The following MANSC1 variants were observed in gnomAD, a reference collection of about 807,000 sequenced individuals.
MANSC1 encodes MANSC domain containing 1, also known as MANSC domain-containing protein 1.
MANSC1 carries 13 observed loss-of-function variants against 14.1 expected under a neutral mutation model. The ratio of observed to expected loss-of-function variants is 0.92; its 90% CI spans 0.60 to 1.46. The LOEUF is 1.46. Among genes scored for constraint, MANSC1 ranks in the 40% most tolerant of loss-of-function variants. The pLI is 0.00. For synonymous variants in MANSC1, 227 were observed against 200.7 expected (o/e 1.13, Z -1.11); for missense variants, 486 against 511.4 (o/e 0.95, Z 0.48).
intron 2 of MANSC1, 101 bp from the exon 3 acceptor site, chr12:12,338,661 C>A: frequency 1.9e-6 from 2 of 1,075,622 alleles, no homozygotes; most frequent in South Asian, 1.5e-5. Context: ...AACACAAACA[C>A]CTTTGTTCAT....
chr12:12,330,205 G>A lies in MANSC1; in HGVS notation c.1118C>T (p.Pro373Leu), dbSNP rs1355595608. 7 of 1,614,168 alleles carry A rather than the reference G, an allele frequency of 4.3e-6. No individual in the cohort carries two copies. The East Asian group carries it at 1.6e-4, about 36-fold the overall frequency. The change falls in exon 4 of 4, where the codon CCA (proline) becomes CTA (leucine). Residue 373 changes from proline to leucine, a missense_variant. By Grantham distance (98) the Pro-to-Leu change is moderately conservative. Transcript: ENST00000535902. ...AAATGGAAGGCCGTACTGATTTTCT[G>A]GAACACTGCCCTGGGAGGAACTGCC... ...SPGSSSQGSV[P>L]ENQYGLPFEK...
intron 2 of MANSC1, 56 bp from the exon 3 acceptor site, chr12:12,338,616 G>A (rs1246088830): frequency 6.4e-7 from 1 of 1,563,530 alleles, no homozygotes; most frequent in African/African-American, 1.4e-5. Context: ...TAAAGAGTAG[G>A]GCAAGTAGGA....
At position 12,338,527 on chromosome 12, in the gene MANSC1, G is replaced by A; in HGVS notation, c.257C>T (p.Thr86Ile). 1 of 1,613,628 alleles carries A rather than the reference G, an allele frequency of 6.2e-7. No homozygotes were observed. Among genetic ancestry groups the A allele is most frequent in the South Asian group, 1.1e-5 (1 of 90,978 alleles). The part of the protein sequence containing the change: ...DKACNLMIFD[T>I]RKTARQPNCY... ...GTTGGGTTGTCTAGCTGTTTTTCGA[G>A]TGTCGAAGATCATCAAGTTACATGC... Residue 86 changes from threonine to isoleucine, a missense_variant, in exon 3 of 4, where the codon ACT becomes ATT. Coordinates refer to ENST00000535902, the MANE Select transcript of MANSC1 (RefSeq NM_018050.4).
chr12:12,342,962 C>G (rs543835475), intron 2 of MANSC1, 130 bp downstream of exon 2: 1 of 668,402 alleles, frequency 1.5e-6, no homozygotes, highest in Non-Finnish European at 2.6e-6. Flanking sequence ...GTAGAAAATT[C>G]TCCAGTGATT....
chr12:12,349,260 G>A (rs1447687905), intron 1 of MANSC1, among the ~76,000 whole-genome samples: 3 of 152,194 alleles, frequency 2.0e-5, no homozygotes, highest in East Asian at 3.9e-4. Flanking sequence ...TACTTAATAC[G>A]CTGCCATATT....
chr12:12,345,337 G>T (rs1383208529), intron 1 of MANSC1, among the ~76,000 whole-genome samples: 1 of 137,542 alleles, frequency 7.3e-6, no homozygotes, highest in African/African-American at 2.7e-5. Context: ...AAAAAAAAAA[G>T]CTATTATTTT....
chr12:12,342,584 G>GTTTTTTTTT (rs760560592), intron 2 of MANSC1, among the ~76,000 whole-genome samples: 10 of 41,788 alleles, frequency 2.4e-4, no homozygotes, highest in African/African-American at 7.7e-4. Context: ...GTGTTTTTTT[G>GTTTTTTTTT]TTTTTTTTTT....
At position 12,329,370 on chromosome 12, in the gene MANSC1, A is replaced by G. The variant is rs997083902; in HGVS notation, c.*657T>C. 2.0e-5 allele frequency: 3 copies of G among 152,248 alleles called. No homozygotes were observed. Among genetic ancestry groups the G allele is most frequent in the Non-Finnish European group, 4.4e-5 (3 of 68,042 alleles). 9.4% of individuals were successfully genotyped at this position (152,248 alleles called of 1,614,324 possible). On this transcript the variant is annotated 3_prime_UTR_variant, in exon 4 of 4. Transcript: ENST00000535902. ...AAAAGCAAATCCATTAGAAATTGAT[A>G]TAAACAGTTGATTTTATCTGGAACC...
chr12:12,330,951 T>C lies in MANSC1; in HGVS notation c.372A>G (p.Pro124=), dbSNP rs1327394537. The C allele has an allele frequency of 1.9e-6, 3 of 1,571,844 alleles. No individual in the cohort carries two copies. The highest frequency in any genetic ancestry group is 2.6e-6 in the Non-Finnish European group (3 of 1,160,574). The change falls in exon 4 of 4, where the codon CCA becomes CCG. Residue 124 remains proline, a synonymous_variant. Transcript: ENST00000535902. ...LMSYRIITDF[P]SLTRNLPSQE... is the part of the protein sequence containing the mutation. ...GGCTTGGCAAATTTCTGGTCAAAGA[T>C]GGAAAATCTGAAAATGTATGGAAAA... is the stretch of plus-strand genomic sequence containing the variant.
At position 12,334,603 on chromosome 12, in the gene MANSC1, A is replaced by G. The variant is rs181823879; in HGVS notation, c.365-3645T>C. Among the ~76,000 whole-genome samples, 16 of 152,286 alleles carry G rather than the reference A, an allele frequency of 1.1e-4. No homozygotes were observed. The East Asian group carries it at 2.9e-3, about 28-fold the overall frequency. On this transcript the variant is annotated intron_variant, in intron 3 of 3. Coordinates refer to ENST00000535902, the MANE Select transcript of MANSC1 (RefSeq NM_018050.4). ...CTGGTGGCTGCCACAAGAACAGTTTAATTCTAATTTCACTTCATTACCTTC... is the reference window on the plus strand; with the variant it reads ...CTGGTGGCTGCCACAAGAACAGTTTGATTCTAATTTCACTTCATTACCTTC...
intron 1 of MANSC1, among the ~76,000 whole-genome samples, chr12:12,347,663 T>C (rs11054832): frequency 0.082 from 12,451 of 152,274 alleles, 1,185 homozygotes; most frequent in East Asian, 0.34. Context: ...TAACATCATA[T>C]GTCATTAGGG....
intron 1 of MANSC1, among the ~76,000 whole-genome samples, chr12:12,346,097 C>A (rs766215459): frequency 6.6e-6 from 1 of 152,148 alleles, no homozygotes; most frequent in East Asian, 1.9e-4. Flanking sequence ...CACGGTGAAA[C>A]CCCGTCTCTA....
At chr12:12,346,991 T>C (rs889390902) in intron 1 of MANSC1, among the ~76,000 whole-genome samples, 4 of 151,970 alleles carry the variant, frequency 2.6e-5, no homozygotes, top group African/African-American at 7.3e-5. Flanking sequence ...GAGGAAATAT[T>C]TGTGAAACAC....
rs371927387 is a variant in MANSC1 at position 12,338,470 on chromosome 12, G to T, written c.314C>A (p.Ala105Asp). 8 of 1,612,884 alleles carry T rather than the reference G, an allele frequency of 5.0e-6. No individual in the cohort carries two copies. In the African/African-American group the frequency reaches 8.0e-5, roughly 16 times the overall value. ...TCCTTTTGCTGGTTTCAATGGACAGGCTTCCTCGTTGGGACAGAAAAATAG... is the reference window on the plus strand; with the variant it reads ...TCCTTTTGCTGGTTTCAATGGACAGTCTTCCTCGTTGGGACAGAAAAATAG... ...CYLFFCPNEE[A>D]CPLKPAKGLM... Residue 105 changes from alanine (A) to aspartate (D), a missense_variant, in exon 3 of 4, where the codon GCC becomes GAC. Physicochemically the swap from Ala to Asp is moderately radical, Grantham distance 126. Coordinates refer to ENST00000535902, the MANE Select transcript of MANSC1 (RefSeq NM_018050.4).
chr12:12,341,777 A>G (rs111253006), intron 2 of MANSC1, among the ~76,000 whole-genome samples: 16,440 of 152,238 alleles, frequency 0.11, 896 homozygotes, highest in Non-Finnish European at 0.12. Context: ...GATCATTTGA[A>G]GTCAGGAGTT....
At position 12,326,231 on chromosome 12, in the gene MANSC1, C is replaced by T. The variant is rs1455042445; in HGVS notation, c.*3796G>A. On this transcript the variant is annotated 3_prime_UTR_variant, in exon 4 of 4. Coordinates refer to ENST00000535902, the MANE Select transcript of MANSC1 (RefSeq NM_018050.4). ...CCTCATCATGGCAGGGAGGCCACCA[C>T]AGCTCCAACAACCAAGTCTTCACAT... is the stretch of plus-strand genomic sequence containing the variant. The T allele has an allele frequency of 6.6e-6, 1 of 152,234 alleles. No individual in the cohort carries two copies. Among genetic ancestry groups the T allele is most frequent in the Non-Finnish European group, 1.5e-5 (1 of 68,064 alleles). 9.4% of individuals were successfully genotyped at this position (152,234 alleles called of 1,614,324 possible).
intron 1 of MANSC1, among the ~76,000 whole-genome samples, chr12:12,349,631 G>C (rs1253442920): frequency 6.6e-6 from 1 of 152,108 alleles, no homozygotes; most frequent in Non-Finnish European, 1.5e-5. Flanking sequence ...CACGTAATTA[G>C]TTCAAATATT....
rs574663911 is a variant in MANSC1, at chr12:12,342,839, T to C, written c.223+253A>G. The stretch of plus-strand genomic sequence containing the variant: ...TTGTTTTCAATATTCTAGATACCAG[T>C]TGGGATATAACACCAGTGATTCTCA... On this transcript the variant is annotated intron_variant, in intron 2 of 3. Transcript: ENST00000535902. Among the ~76,000 whole-genome samples, 48 of 152,278 alleles carry C rather than the reference T, an allele frequency of 3.2e-4. No individual in the cohort carries two copies. In the East Asian group the frequency reaches 8.7e-3, roughly 28 times the overall value.
chr12:12,342,022 C>T (rs1862940706), intron 2 of MANSC1, among the ~76,000 whole-genome samples: 1 of 152,220 alleles, frequency 6.6e-6, no homozygotes, highest in African/African-American at 2.4e-5. Flanking sequence ...AAGTCCACTG[C>T]AGCCTCAACC....
Sources: allele counts gnomAD v4.1 joint callset (sites outside exome capture counted in the v4.1 genomes callset), GRCh38; gene constraint gnomAD v4.1.1; transcripts MANE v1.5; gene names NCBI Gene and HGNC (gene_info 2026-07-23, HGNC 2026-07-21).